Variants in CHAF1A observed in about 807,000 individuals in gnomAD.
CHAF1A encodes CAF-1 subunit A.
Under a neutral mutation model 93.2 loss-of-function variants are expected in CHAF1A, and 5 were observed. The ratio of observed to expected loss-of-function variants is 0.05; its 90% confidence interval spans 0.03 to 0.11. The LOEUF (loss-of-function observed/expected upper bound fraction) is 0.11. Among genes scored for constraint, CHAF1A ranks in the 10% least tolerant of loss-of-function variants. The probability of loss-of-function intolerance (pLI) is 1.00; values close to 1 mark genes in which losing one functional copy is unlikely to be tolerated. For missense variants in CHAF1A, 1,102 were observed against 1,259.9 expected (o/e 0.87, Z 1.90); for synonymous variants, 504 against 510.3 (o/e 0.99, Z 0.17).
At chr19:4,410,537 C>T (rs1247789919) in intron 3 of CHAF1A, among the ~76,000 whole-genome samples, 9 of 152,034 alleles carry the variant, frequency 5.9e-5, no homozygotes. Context: ...CGCACCACCA[C>T]ACTTGGCTAA....
intron 13 of CHAF1A, among the ~76,000 whole-genome samples, chr19:4,441,644 C>T (rs1333049833): frequency 1.3e-5 from 2 of 151,418 alleles, no homozygotes; most frequent in African/African-American, 4.9e-5. Flanking sequence ...TGGTGGCTCA[C>T]ACCTGTAATC....
intron 2 of CHAF1A, among the ~76,000 whole-genome samples, chr19:4,408,461 C>T (rs928113426): frequency 4.2e-4 from 15 of 36,008 alleles, no homozygotes; most frequent in Admixed American, 1.6e-3. Flanking sequence ...CGCACCCGGC[C>T]TTTTTTTTTT....
intron 13 of CHAF1A, among the ~76,000 whole-genome samples, chr19:4,439,272 CT>C (rs1168390417): frequency 6.0e-5 from 9 of 150,900 alleles, no homozygotes; most frequent in Non-Finnish European, 2.9e-5. Flanking sequence ...CAGAGCAAGT[CT>C]GCGTCTCAGA....
downstream of CHAF1A, chr19:4,445,749 G>A: frequency 6.8e-7 from 1 of 1,460,274 alleles, no homozygotes; most frequent in Non-Finnish European, 9.1e-7. Flanking sequence ...TGGAGGCTGT[G>A]GCTCGCACCC....
chr19:4,445,740 G>A (rs1425404528), downstream of CHAF1A: 1 of 1,498,564 alleles, frequency 6.7e-7, no homozygotes, highest in African/African-American at 1.4e-5. Context: ...CTCAGCTGGT[G>A]GAGGCTGTGG....
chr19:4,432,330 C>A, intron 12 of CHAF1A, 123 bp downstream of exon 12: 3 of 1,169,046 alleles, frequency 2.6e-6, no homozygotes, highest in African/African-American at 1.5e-5. Flanking sequence ...ATAACAGAGG[C>A]CAGCCCTTTT....
intron 3 of CHAF1A, among the ~76,000 whole-genome samples, chr19:4,410,570 A>G (rs1973777305): frequency 6.6e-6 from 1 of 151,328 alleles, no homozygotes; most frequent in Admixed American, 6.6e-5. Flanking sequence ...TAGTAGAGAC[A>G]GGGTTTCACT....
chr19:4,411,813 A>G (rs773656392), intron 3 of CHAF1A, among the ~76,000 whole-genome samples: 17 of 151,210 alleles, frequency 1.1e-4, no homozygotes, highest in Non-Finnish European at 2.5e-4. Context: ...ACGCCTGGCT[A>G]ATTTTTGTAT....
intron 3 of CHAF1A, among the ~76,000 whole-genome samples, chr19:4,411,571 C>T (rs548540125): frequency 5.7e-5 from 8 of 140,958 alleles, no homozygotes; most frequent in Non-Finnish European, 1.1e-4. Flanking sequence ...TCTTGTCTTT[C>T]ACCTGAGAAG....
At chr19:4,445,315 C>T, downstream of CHAF1A, 1 of 1,049,816 alleles carries the variant, frequency 9.5e-7, no homozygotes, top group South Asian at 1.5e-5. Flanking sequence ...CCCCACAGCC[C>T]CCAAGGGATG....
intron 9 of CHAF1A, 50 bp from the exon 10 acceptor site, chr19:4,429,658 T>C: frequency 6.2e-7 from 1 of 1,613,896 alleles, no homozygotes; most frequent in Non-Finnish European, 8.5e-7. Flanking sequence ...CTGTGCCCCT[T>C]TCCTCCAGCC....
At chr19:4,449,778 C>T (rs1399414048), downstream of CHAF1A, 2 of 152,128 alleles carry the variant, frequency 1.3e-5, no homozygotes, top group Non-Finnish European at 2.9e-5. Flanking sequence ...AAGCAAAAGA[C>T]AGGTGCTCTC....
At chr19:4,438,860 T>C (rs1374979242) in intron 13 of CHAF1A, among the ~76,000 whole-genome samples, 2 of 152,132 alleles carry the variant, frequency 1.3e-5, no homozygotes, top group East Asian at 3.9e-4. Flanking sequence ...CGGCTGCCTG[T>C]AGTCCCAGCT....
chr19:4,443,036 G>A lies in CHAF1A; in HGVS notation c.*11G>A. ...CTGGGTGCATCCTGAGAGCAGGGGT[G>A]ACGTATGTAGAATGCTTAGGGTGTC... is the stretch of plus-strand genomic sequence containing the variant. On this transcript the variant is annotated 3_prime_UTR_variant, in exon 15 of 15. Coordinates refer to ENST00000301280, the MANE Select transcript of CHAF1A (RefSeq NM_005483.3). 6.6e-7 allele frequency: 1 copy of A among 1,525,934 alleles called. No individual in the cohort carries two copies. The allele number at this position is 1,525,934 out of a possible 1,614,324, so 94.5% of individuals were successfully genotyped here.
chr19:4,445,704 CG>C, downstream of CHAF1A: 1 of 1,558,452 alleles, frequency 6.4e-7, no homozygotes, highest in Non-Finnish European at 8.7e-7. Context: ...AACCTGGGCG[CG>C]GGGATGCCCC....
At chr19:4,438,201 C>T (rs1178704329) in intron 13 of CHAF1A, among the ~76,000 whole-genome samples, 1 of 152,120 alleles carries the variant, frequency 6.6e-6, no homozygotes, top group Non-Finnish European at 1.5e-5. Flanking sequence ...TTCTCCCTCC[C>T]ACCGTCACAT....
At chr19:4,421,993 C>T (rs1218583137) in intron 4 of CHAF1A, among the ~76,000 whole-genome samples, 1 of 151,866 alleles carries the variant, frequency 6.6e-6, no homozygotes, top group African/African-American at 2.4e-5. Context: ...GGGTACCCTC[C>T]ACCACGCCTG....
Position 4,402,732 on chromosome 19 carries a change from C to T in CHAF1A, c.-31C>T, listed in dbSNP as rs898057687. The T allele has an allele frequency of 5.9e-6, 7 of 1,196,472 alleles. 1 individual carries two copies. In the Middle Eastern group the frequency reaches 1.6e-3, roughly 280 times the overall value. The allele number at this position is 1,196,472 out of a possible 1,614,324, so 74.1% of individuals were successfully genotyped here. A position where few individuals can be genotyped will look rare whatever the true frequency, so the allele number is the denominator to read the frequency against. On this transcript the variant is annotated 5_prime_UTR_variant, in exon 1 of 15. Transcript: ENST00000301280. ...CTGAGGGGAGCCCGCGCCTCCGCCGCCTGAGAGGAGGTCGAGCTGCCGCCG... is the reference window on the plus strand; with the variant it reads ...CTGAGGGGAGCCCGCGCCTCCGCCGTCTGAGAGGAGGTCGAGCTGCCGCCG...
rs775138792 is a variant in CHAF1A, at chr19:4,442,282, CGGAGGA to C, written c.2718_2723del (p.Glu910_Glu911del). On this transcript the variant is annotated inframe_deletion, in exon 14 of 15. Coordinates refer to ENST00000301280, the MANE Select transcript of CHAF1A (RefSeq NM_005483.3). Reference sequence around the variant, plus strand: ...GACATGGACGGCTTCCAGGCAGACACGGAGGAGGAGGAAGAGGAGGAGGGCGACTGT... The same window carrying C: ...GACATGGACGGCTTCCAGGCAGACACGGAGGAAGAGGAGGAGGGCGACTGT... The C allele has an allele frequency of 5.0e-6, 8 of 1,613,558 alleles. No individual in the cohort carries two copies. Among genetic ancestry groups the C allele is most frequent in the African/African-American group, 4.0e-5 (3 of 74,872 alleles).
Sources: allele counts gnomAD v4.1 joint callset (sites outside exome capture counted in the v4.1 genomes callset), GRCh38; gene constraint gnomAD v4.1.1; transcripts MANE v1.5; gene names NCBI Gene and HGNC (gene_info 2026-07-23, HGNC 2026-07-21).